Variants in BMPER observed in about 807,000 individuals in gnomAD.
The protein encoded by BMPER is BMP binding endothelial regulator.
In BMPER, 45 loss-of-function variants were observed where a neutral mutation model predicts 87.3. That is an observed-to-expected ratio of 0.52 (90% CI 0.41 to 0.66). BMPER has a LOEUF of 0.66. Among genes scored for constraint, BMPER ranks in the 30% least tolerant of loss-of-function variants. The probability of loss-of-function intolerance (pLI) is 0.00; values close to 1 mark genes in which losing one functional copy is unlikely to be tolerated. For synonymous variants in BMPER, 326 were observed against 316.2 expected, an observed-to-expected ratio of 1.03 and a Z score of -0.33; for missense variants, 784 against 867.5, an observed-to-expected ratio of 0.90 and a Z score of 1.21.
At chr7:33,944,973 G>C (rs1390528939) in intron 3 of BMPER, among the ~76,000 whole-genome samples, 1 of 152,006 alleles carries the variant, frequency 6.6e-6, no homozygotes, top group African/African-American at 2.4e-5. Flanking sequence ...ATGGAGTCTC[G>C]CTCTGTCACC....
At chr7:33,955,370 A>G (rs1369085514) in intron 3 of BMPER, among the ~76,000 whole-genome samples, 1 of 152,180 alleles carries the variant, frequency 6.6e-6, no homozygotes, top group Admixed American at 6.5e-5. Context: ...GTTGAATCAG[A>G]CGTCTCTTCT....
intron 11 of BMPER, among the ~76,000 whole-genome samples, chr7:34,064,397 CTACAT>C (rs1270571366): frequency 6.6e-6 from 1 of 152,106 alleles, no homozygotes; most frequent in African/African-American, 2.4e-5. Flanking sequence ...TGAGAAAAAT[CTACAT>C]TATATTATCA....
intron 6 of BMPER, among the ~76,000 whole-genome samples, chr7:33,976,436 A>C (rs1336528873): frequency 6.6e-6 from 1 of 152,210 alleles, no homozygotes; most frequent in Non-Finnish European, 1.5e-5. Flanking sequence ...TACAGGTGTG[A>C]GCCGCTATGC....
Position 34,046,582 on chromosome 7 carries a change from A to G in BMPER, c.676+177A>G, listed in dbSNP as rs546995383. On this transcript the variant is annotated intron_variant, in intron 7 of 14. Transcript: ENST00000649409. ...AGGTGTGTACAGGGTTTGCTTCTTAACGGAGACCTCCAGGGAGGCTTCTCT... is the reference window on the plus strand; with the variant it reads ...AGGTGTGTACAGGGTTTGCTTCTTAGCGGAGACCTCCAGGGAGGCTTCTCT... Among the ~76,000 whole-genome samples the G allele has an allele frequency of 2.6e-5, 4 of 152,322 alleles. 1 individual carries two copies. The highest frequency in any genetic ancestry group is 9.6e-5 in the African/African-American group (4 of 41,580).
At chr7:34,065,702 A>T (rs73690119) in intron 11 of BMPER, among the ~76,000 whole-genome samples, 2,327 of 152,318 alleles carry the variant, frequency 0.015, 71 homozygotes, top group African/African-American at 0.052. Context: ...TTGAATGATT[A>T]AAAAAAGTTG....
chr7:33,909,958 A>G (rs1783918371), intron 2 of BMPER, among the ~76,000 whole-genome samples: 1 of 152,202 alleles, frequency 6.6e-6, no homozygotes, highest in South Asian at 2.1e-4. Flanking sequence ...ATTCTCATTT[A>G]TCATCCTCTG....
At chr7:33,911,911 A>G (rs1366359400) in intron 2 of BMPER, among the ~76,000 whole-genome samples, 1 of 152,204 alleles carries the variant, frequency 6.6e-6, no homozygotes, top group East Asian at 1.9e-4. Context: ...AGAAAATGAT[A>G]AAAGGGACGA....
chr7:34,057,814 T>G (rs1489461415), intron 9 of BMPER, among the ~76,000 whole-genome samples: 1 of 148,898 alleles, frequency 6.7e-6, no homozygotes, highest in Non-Finnish European at 1.5e-5. Context: ...ATAATTATTT[T>G]TATATCCAGG....
intron 13 of BMPER, among the ~76,000 whole-genome samples, chr7:34,131,607 T>A (rs1790592303): frequency 6.6e-6 from 1 of 152,144 alleles, no homozygotes; most frequent in Non-Finnish European, 1.5e-5. Flanking sequence ...CTGCTGCGTG[T>A]GGCTGGGGTG....
intron 6 of BMPER, among the ~76,000 whole-genome samples, chr7:34,031,053 C>A (rs1203847591): frequency 6.6e-6 from 1 of 152,054 alleles, no homozygotes; most frequent in Non-Finnish European, 1.5e-5. Context: ...GACAGCCAGG[C>A]TGGGAATACG....
intron 6 of BMPER, among the ~76,000 whole-genome samples, chr7:34,031,947 T>C (rs1355438402): frequency 6.6e-5 from 9 of 137,074 alleles, no homozygotes; most frequent in African/African-American, 1.9e-4. Flanking sequence ...CACACACATA[T>C]ATATACACAC....
chr7:33,971,552 T>G (rs765913637), intron 5 of BMPER, among the ~76,000 whole-genome samples: 4 of 152,232 alleles, frequency 2.6e-5, no homozygotes, highest in Non-Finnish European at 4.4e-5. Context: ...AAGCAGAGAT[T>G]GCTTGAGTGC....
chr7:33,984,669 C>T (rs992179113), intron 6 of BMPER, among the ~76,000 whole-genome samples: 1 of 152,142 alleles, frequency 6.6e-6, no homozygotes, highest in African/African-American at 2.4e-5. Flanking sequence ...AAGTTACTTT[C>T]TCTTATCTGT....
chr7:33,904,924 G>A (rs1362817377), upstream of BMPER: 2 of 152,518 alleles, frequency 1.3e-5, no homozygotes, highest in South Asian at 2.1e-4. The surrounding 1 kb of genome is among the most constrained non-coding windows in gnomAD (Gnocchi z 5.4). Flanking sequence ...CAGTGGAGAC[G>A]CGCCTTCTCG....
chr7:34,083,270 C>G (rs1244377194), intron 12 of BMPER, among the ~76,000 whole-genome samples: 1 of 152,208 alleles, frequency 6.6e-6, no homozygotes, highest in African/African-American at 2.4e-5. Context: ...TCACAGAGAT[C>G]CACATGGGAG....
intron 2 of BMPER, among the ~76,000 whole-genome samples, chr7:33,935,621 A>C (rs2128608764): frequency 1.3e-5 from 2 of 150,330 alleles, no homozygotes. Context: ...AGAAGGAGAA[A>C]GAGAGAGAGA....
At chr7:34,143,484 C>A in intron 14 of BMPER, 124 bp downstream of exon 14, 1 of 1,411,334 alleles carries the variant, frequency 7.1e-7, no homozygotes, top group Non-Finnish European at 9.8e-7. Context: ...AAAATCCCTT[C>A]CAGTAGCCCA....
intron 11 of BMPER, among the ~76,000 whole-genome samples, chr7:34,076,250 G>C (rs984975609): frequency 6.6e-6 from 1 of 152,076 alleles, no homozygotes; most frequent in Non-Finnish European, 1.5e-5. Flanking sequence ...ATGACGACTT[G>C]CTTTGTCATG....
rs925575808 is a variant in BMPER at position 34,049,716 on chromosome 7, T to G, written c.677-2145T>G. Among the ~76,000 whole-genome samples, 3 of 152,112 alleles carry G rather than the reference T, an allele frequency of 2.0e-5. No homozygotes were observed. The East Asian group carries it at 5.8e-4, about 29-fold the overall frequency. On this transcript the variant is annotated intron_variant, in intron 7 of 14. Coordinates refer to ENST00000649409, the MANE Select transcript of BMPER (RefSeq NM_001365308.1). ...CCACTTACAAAATACATGAAGCACATGTAGATAAAGGATAGTAAAAAGGCA... is the reference window on the plus strand; with the variant it reads ...CCACTTACAAAATACATGAAGCACAGGTAGATAAAGGATAGTAAAAAGGCA...
Sources: gnomAD v4.1 joint callset for allele counts (sites outside exome capture counted in the v4.1 genomes callset) on GRCh38, gnomAD v4.1.1 for gene constraint, Gnocchi (gnomAD v3.1) non-coding constraint, MANE v1.5 for transcripts, NCBI Gene and HGNC (gene_info 2026-07-23, HGNC 2026-07-21) for gene names.